NSD1: variants seen among roughly 807,000 people sequenced by gnomAD.
NSD1 encodes nuclear receptor binding SET domain protein 1, also known as histone-lysine N-methyltransferase, H3 lysine-36 specific.
A neutral mutation model predicts 242.7 loss-of-function variants in NSD1; 26 were observed. The ratio of observed to expected loss-of-function variants is 0.11; its 90% CI spans 0.08 to 0.15. The LOEUF is 0.15. Ranked by LOEUF, NSD1 falls within the 10% of genes least tolerant of loss-of-function variation. The pLI, the probability that NSD1 is intolerant of heterozygous loss-of-function variation, is 1.00. For synonymous variants in NSD1, 1,106 were observed against 1,178.1 expected (o/e 0.94, Z 1.25); for missense variants, 2,495 against 3,272.8 (o/e 0.76, Z 5.80).
intron 17 of NSD1, among the ~76,000 whole-genome samples, chr5:177,276,211 G>A (rs114749810): frequency 4.6e-5 from 7 of 152,094 alleles, no homozygotes; most frequent in African/African-American, 1.2e-4. Flanking sequence ...GATTACAGGC[G>A]TGAGCTACGA....
chr5:177,240,143 TG>T (rs1765740105), intron 8 of NSD1, among the ~76,000 whole-genome samples: 1 of 152,206 alleles, frequency 6.6e-6, no homozygotes, highest in Admixed American at 6.5e-5. Context: ...ATTTCTTTTC[TG>T]GGTTCAAATC....
At chr5:177,229,018 A>G (rs1312128433) in intron 5 of NSD1, among the ~76,000 whole-genome samples, 1 of 152,024 alleles carries the variant, frequency 6.6e-6, no homozygotes, top group Non-Finnish European at 1.5e-5. Flanking sequence ...TTTAATATTA[A>G]TGGAATCATG....
At chr5:177,215,995 G>C (rs1763742579) in intron 5 of NSD1, among the ~76,000 whole-genome samples, 1 of 151,998 alleles carries the variant, frequency 6.6e-6, no homozygotes, top group Non-Finnish European at 1.5e-5. Flanking sequence ...TGAGTAGCTG[G>C]GAGTACAGGT....
At position 177,135,100 on chromosome 5, in the gene NSD1, C is replaced by T; in HGVS notation, c.-4C>T. 3 of 1,614,136 alleles carry T rather than the reference C, an allele frequency of 1.9e-6. No homozygotes were observed. In the South Asian group the frequency reaches 3.3e-5, roughly 18 times the overall value. On this transcript the variant is annotated 5_prime_UTR_variant, in exon 2 of 23. An upstream open reading frame in the 5' UTR gains an earlier in-frame stop. Transcript: ENST00000439151. ...TTTGGATTCCAGGTTGATGCCGGCC[C>T]AGGATGGATCAGACCTGTGAACTAC...
intron 2 of NSD1, among the ~76,000 whole-genome samples, chr5:177,183,381 G>T (rs934443460): frequency 6.6e-6 from 1 of 152,078 alleles, no homozygotes; most frequent in African/African-American, 2.4e-5. Flanking sequence ...TATCTCCAAG[G>T]TATGCTTTTG....
chr5:177,176,171 C>T lies in NSD1; in HGVS notation c.928-15713C>T, dbSNP rs529473217. Among the ~76,000 whole-genome samples the T allele has an allele frequency of 5.3e-4, 81 of 152,228 alleles. 1 individual carries two copies. Among genetic ancestry groups the T allele is most frequent in the African/African-American group, 1.9e-3 (77 of 41,556 alleles). ...GATTGCAGGCCTTAGCCACTGCGCC[C>T]GGCCCGATTGCAAAAATCGTAACAT... On this transcript the variant is annotated intron_variant, in intron 2 of 22. Transcript: ENST00000439151.
At chr5:177,179,021 A>G (rs1047001591) in intron 2 of NSD1, among the ~76,000 whole-genome samples, 1 of 152,190 alleles carries the variant, frequency 6.6e-6, no homozygotes, top group African/African-American at 2.4e-5. Context: ...GCTATTAGCC[A>G]GATAGGAAAA....
chr5:177,173,732 A>T (rs1222026392), intron 2 of NSD1, among the ~76,000 whole-genome samples: 2 of 152,062 alleles, frequency 1.3e-5, no homozygotes, highest in African/African-American at 4.8e-5. Flanking sequence ...TGGGCCTCCC[A>T]AAGTGCCGGG....
chr5:177,245,943 C>G (rs1441763556), intron 9 of NSD1, among the ~76,000 whole-genome samples: 1 of 150,014 alleles, frequency 6.7e-6, no homozygotes, highest in Non-Finnish European at 1.5e-5. Flanking sequence ...AGCCTCAACC[C>G]TCCATCTTAA....
At chr5:177,285,797 T>C (rs2127266173) in intron 20 of NSD1, among the ~76,000 whole-genome samples, 1 of 152,272 alleles carries the variant, frequency 6.6e-6, no homozygotes, top group Non-Finnish European at 1.5e-5. Flanking sequence ...ACCTTAGTTC[T>C]CCTTTGCTCA....
At chr5:177,290,294 C>T (rs1759714569) in intron 21 of NSD1, among the ~76,000 whole-genome samples, 1 of 151,062 alleles carries the variant, frequency 6.6e-6, no homozygotes. Context: ...ACAAAATAAA[C>T]TATATAGTGA....
At chr5:177,253,071 C>A (rs944469846) in intron 12 of NSD1, among the ~76,000 whole-genome samples, 16 of 152,066 alleles carry the variant, frequency 1.1e-4, no homozygotes, top group African/African-American at 2.9e-4. Context: ...GGGGCAGATG[C>A]AGCAAAGATA....
intron 2 of NSD1, among the ~76,000 whole-genome samples, chr5:177,165,451 C>T (rs1182527316): frequency 6.6e-6 from 1 of 152,050 alleles, no homozygotes; most frequent in Non-Finnish European, 1.5e-5. Flanking sequence ...CGTGCCTGTC[C>T]CCTTAGTCTA....
Position 177,243,101 on chromosome 5 carries a change from T to C in NSD1, c.4303-1094T>C, listed in dbSNP as rs556882665. On this transcript the variant is annotated intron_variant, in intron 8 of 22. Coordinates refer to ENST00000439151, the MANE Select transcript of NSD1 (RefSeq NM_022455.5). ...TGTCATTCAGTATTTCAGAACTGTTTAATTTACAGTTCACCAGGTAAACAG... is the reference window on the plus strand; with the variant it reads ...TGTCATTCAGTATTTCAGAACTGTTCAATTTACAGTTCACCAGGTAAACAG... Among the ~76,000 whole-genome samples, 256 of 152,358 alleles carry C rather than the reference T, an allele frequency of 1.7e-3. 1 individual carries two copies. Among genetic ancestry groups the C allele is most frequent in the Middle Eastern group, 3.4e-3 (1 of 294 alleles).
rs1763350067 is a variant in NSD1, at chr5:177,211,626, G to A, written c.3227G>A (p.Gly1076Asp). 3 of 1,614,122 alleles carry A rather than the reference G, an allele frequency of 1.9e-6. No homozygotes were observed. The highest frequency in any genetic ancestry group is 2.7e-5 in the African/African-American group (2 of 75,014). The part of the protein sequence containing the change: ...AVLQGDRERG[G>D]SLRGGAEDPS... ...CTGCAGGGAGACCGAGAACGTGGAG[G>A]TTCATTGAGAGGTGGGGCAGAAGAT... The change falls in exon 5 of 23, where the codon GGT becomes GAT. Residue 1076 changes from glycine to aspartate, a missense_variant. Gly to Asp is a moderately conservative substitution (Grantham distance 94). Around this residue, in one of 19 missense-constraint regions of NSD1, gnomAD observed 426 missense variants for 411.4 expected, o/e 1.04. Transcript: ENST00000439151.
intron 2 of NSD1, among the ~76,000 whole-genome samples, chr5:177,151,108 T>G (rs564035942): frequency 6.6e-6 from 1 of 152,200 alleles, no homozygotes; most frequent in Non-Finnish European, 1.5e-5. Context: ...CAGGGCACGG[T>G]GGCTCACGCC....
In NSD1 at chr5:177,211,524, C is replaced by G. The variant is rs759074778; in HGVS notation, c.3125C>G (p.Thr1042Arg). The change falls in exon 5 of 23, where the codon ACA becomes AGA. Residue 1042 changes from threonine (T) to arginine (R), a missense_variant. Transcript: ENST00000439151. ...DAFSAQMVKNTVNRKALKTER... is the reference protein window; with the variant it reads ...DAFSAQMVKNRVNRKALKTER... ...TTTTCAGCCCAAATGGTAAAGAACA[C>G]AGTGAACCGTAAAGCCTTAAAGACC... is the stretch of plus-strand genomic sequence containing the variant. 1.2e-6 allele frequency: 2 copies of G among 1,614,106 alleles called. No individual in the cohort carries two copies. Among genetic ancestry groups the G allele is most frequent in the African/African-American group, 1.3e-5 (1 of 75,040 alleles).
At chr5:177,248,406 T>C in intron 11 of NSD1, 82 bp downstream of exon 11, 1 of 1,500,086 alleles carries the variant, frequency 6.7e-7, no homozygotes, top group Non-Finnish European at 9.1e-7. Context: ...TATGATGGTT[T>C]CTTGGTAGAA....
At chr5:177,263,795 A>C (rs1757181861) in intron 14 of NSD1, among the ~76,000 whole-genome samples, 1 of 152,166 alleles carries the variant, frequency 6.6e-6, no homozygotes, top group African/African-American at 2.4e-5. Context: ...CATTTACTTG[A>C]AAATGAACAA....
Sources: allele counts gnomAD v4.1 joint callset (sites outside exome capture counted in the v4.1 genomes callset), GRCh38; gene constraint gnomAD v4.1.1; regional missense constraint gnomAD v4.1.1; transcripts MANE v1.5; gene names NCBI Gene and HGNC (gene_info 2026-07-23, HGNC 2026-07-21).